The following FLRT1 variants were observed in gnomAD, a reference collection of about 807,000 sequenced individuals.
FLRT1 encodes fibronectin leucine rich transmembrane protein 1.
A neutral mutation model predicts 30.9 loss-of-function variants in FLRT1; 14 were observed. The observed-to-expected ratio is 0.45, with a 90% CI of 0.30 to 0.71. The LOEUF (loss-of-function observed/expected upper bound fraction) is 0.71. Ranked by LOEUF, FLRT1 falls within the 30% of genes least tolerant of loss-of-function variation. The probability of loss-of-function intolerance (pLI) is 0.08; values close to 1 mark genes in which losing one functional copy is unlikely to be tolerated. For synonymous variants in FLRT1, 368 were observed against 430.4 expected (o/e 0.85, Z 1.80); for missense variants, 737 against 949.2 (o/e 0.78, Z 2.94).
chr11:64,080,158 G>A (rs563663328), intron 1 of FLRT1, among the ~76,000 whole-genome samples: 2 of 152,252 alleles, frequency 1.3e-5, no homozygotes, highest in East Asian at 1.9e-4. Context: ...GATTACAGGC[G>A]TGCGCCACCA....
chr11:64,062,702 G>T (rs1387658083), intron 1 of FLRT1, among the ~76,000 whole-genome samples: 11 of 152,204 alleles, frequency 7.2e-5, no homozygotes, highest in African/African-American at 2.7e-4. Flanking sequence ...AAGGCTTCCA[G>T]TGTGCCCGTC....
intron 1 of FLRT1, among the ~76,000 whole-genome samples, chr11:64,063,011 G>A (rs539382883): frequency 2.6e-5 from 4 of 152,350 alleles, no homozygotes; most frequent in Admixed American, 6.5e-5. Flanking sequence ...CATCTTCCGA[G>A]CTGTGAGGGA....
At chr11:64,073,834 C>A (rs557009855) in intron 1 of FLRT1, among the ~76,000 whole-genome samples, 8 of 152,254 alleles carry the variant, frequency 5.3e-5, no homozygotes, top group African/African-American at 1.9e-4. Context: ...GGGCCCACAG[C>A]CCCCAGAGCC....
chr11:64,043,556 G>A (rs1943529106), intron 1 of FLRT1, among the ~76,000 whole-genome samples: 1 of 152,208 alleles, frequency 6.6e-6, no homozygotes. Context: ...GGCAGCAGGT[G>A]TGGGAAGGGC....
chr11:64,116,279 A>G lies in FLRT1; in HGVS notation c.12A>G (p.Ala4=). 6.3e-7 allele frequency: 1 copy of G among 1,595,360 alleles called. No homozygotes were observed. The highest frequency in any genetic ancestry group is 1.1e-5 in the South Asian group (1 of 90,174). The change falls in exon 3 of 3, where the codon GCA becomes GCG. Residue 4 remains alanine (A), a synonymous_variant. Coordinates refer to ENST00000682287, the MANE Select transcript of FLRT1 (RefSeq NM_013280.5). ...CCCAGCCATCCACCATGGTGGTGGC[A>G]CACCCCACCGCCACTGCCACCACCA... The part of the protein sequence containing the change: MVV[A]HPTATATTTP...
chr11:64,062,268 C>T (rs780358228), intron 1 of FLRT1, among the ~76,000 whole-genome samples: 5 of 152,104 alleles, frequency 3.3e-5, no homozygotes, highest in Admixed American at 1.3e-4. Flanking sequence ...ACTTGGCACA[C>T]AGTAGGTGCT....
intron 1 of FLRT1, among the ~76,000 whole-genome samples, chr11:64,044,596 C>G (rs1943549676): frequency 1.3e-5 from 2 of 152,160 alleles, no homozygotes; most frequent in Non-Finnish European, 2.9e-5. Flanking sequence ...CAGGGGTAAA[C>G]TGAGGCACTG....
rs539929316 is a variant in FLRT1 at position 64,064,411 on chromosome 11, C to T, written c.-1038+28252C>T. 1.6e-4 allele frequency among the ~76,000 whole-genome samples: 25 copies of T among 152,248 alleles called. No homozygotes were observed. Among genetic ancestry groups the T allele is most frequent in the South Asian group, 4.2e-4 (2 of 4,818 alleles). ...GATGGAGGAGGCTCAGGGCCAGTGC[C>T]GGGACTCCAGCTCCTCTGGGCACTG... On this transcript the variant is annotated intron_variant, in intron 1 of 2. Transcript: ENST00000682287. This position sits in a 1 kb window ranked among gnomAD's most constrained non-coding sequence, Gnocchi z 4.5.
intron 1 of FLRT1, among the ~76,000 whole-genome samples, chr11:64,060,073 C>A (rs1455915907): frequency 6.6e-6 from 1 of 152,226 alleles, no homozygotes; most frequent in African/African-American, 2.4e-5. Flanking sequence ...AACTAACAGA[C>A]CAATTAAGCT....
chr11:64,043,443 A>C (rs562661), intron 1 of FLRT1, among the ~76,000 whole-genome samples: 45,293 of 152,028 alleles, frequency 0.3, 7,610 homozygotes, highest in African/African-American at 0.45. Flanking sequence ...TGGACTCTAA[A>C]CGCCTGGTTG....
intron 1 of FLRT1, among the ~76,000 whole-genome samples, chr11:64,068,290 C>A (rs1944042436): frequency 6.6e-6 from 1 of 152,238 alleles, no homozygotes; most frequent in Non-Finnish European, 1.5e-5. Context: ...GCCACCCCAA[C>A]CCCACCCAGC....
At chr11:64,066,163 G>C (rs946203784) in intron 1 of FLRT1, among the ~76,000 whole-genome samples, 3 of 151,924 alleles carry the variant, frequency 2.0e-5, no homozygotes, top group African/African-American at 4.8e-5. Context: ...TGGGCATGGT[G>C]GTGGGCACCT....
intron 1 of FLRT1, among the ~76,000 whole-genome samples, chr11:64,094,022 C>A (rs1370418287): frequency 1.3e-5 from 2 of 152,200 alleles, no homozygotes; most frequent in Non-Finnish European, 2.9e-5. Flanking sequence ...CAGGGCCGGG[C>A]GCAGTGGCTT....
rs1396862999 is a variant in FLRT1, at chr11:64,119,062, T to G, written c.*770T>G. On this transcript the variant is annotated 3_prime_UTR_variant, in exon 3 of 3. Coordinates refer to ENST00000682287, the MANE Select transcript of FLRT1 (RefSeq NM_013280.5). ...GTGCATCTGTCTGCCTGTCTATCCC[T>G]GTCGCGGTGTCTCTAAGTACAGATG... 1 of 167,300 alleles carries G rather than the reference T, an allele frequency of 6.0e-6. No homozygotes were observed. 10.4% of individuals were successfully genotyped at this position (167,300 alleles called of 1,614,324 possible). A position where few individuals can be genotyped will look rare whatever the true frequency, so the allele number is the denominator to read the frequency against.
Position 64,064,675 on chromosome 11 carries a change from CCG to C in FLRT1, c.-1038+28517_-1038+28518del, listed in dbSNP as rs1943963204. On this transcript the variant is annotated intron_variant, in intron 1 of 2. Transcript: ENST00000682287. This position sits in a 1 kb window ranked among gnomAD's most constrained non-coding sequence, Gnocchi z 4.5. ...GCCTCTGGCAGGACATTAAACGGCA[CCG>C]AGATAGAAGGAGGGGGGCCCTCCCT... 7.3e-6 allele frequency among the ~76,000 whole-genome samples: 1 copy of C among 136,284 alleles called. No individual in the cohort carries two copies. The highest frequency in any genetic ancestry group is 2.6e-4 in the East Asian group (1 of 3,824). 89.4% of individuals were successfully genotyped at this position (136,284 alleles called of 152,430 possible).
At chr11:64,058,340 C>T (rs779328464) in intron 1 of FLRT1, among the ~76,000 whole-genome samples, 9 of 152,350 alleles carry the variant, frequency 5.9e-5, no homozygotes, top group South Asian at 4.1e-4. Flanking sequence ...CGAAGGCTGA[C>T]GCTTAGAGGA....
chr11:64,079,153 T>C (rs1436242508), intron 1 of FLRT1, among the ~76,000 whole-genome samples: 1 of 151,934 alleles, frequency 6.6e-6, no homozygotes, highest in African/African-American at 2.4e-5. Flanking sequence ...TTGGATTCAT[T>C]GGATTTGGAA....
rs754240014 is a variant in FLRT1 at position 64,064,070 on chromosome 11, A to G, written c.-1038+27911A>G. On this transcript the variant is annotated intron_variant, in intron 1 of 2. Coordinates refer to ENST00000682287, the MANE Select transcript of FLRT1 (RefSeq NM_013280.5). This position sits in a 1 kb window ranked among gnomAD's most constrained non-coding sequence, Gnocchi z 4.5. ...TAGCCAGCTTTGAACAGCGACACCC[A>G]CACAAACCCGAGGTCTCTCTCTCTG... Among the ~76,000 whole-genome samples the G allele has an allele frequency of 2.6e-5, 4 of 152,182 alleles. No homozygotes were observed. The highest frequency in any genetic ancestry group is 5.9e-5 in the Non-Finnish European group (4 of 68,024).
At position 64,051,714 on chromosome 11, in the gene FLRT1, C is replaced by T. The variant is rs193285252; in HGVS notation, c.-1038+15555C>T. On this transcript the variant is annotated intron_variant, in intron 1 of 2. Coordinates refer to ENST00000682287, the MANE Select transcript of FLRT1 (RefSeq NM_013280.5). Reference sequence around the variant, plus strand: ...GGCAGGGGCCGAGGTTGGTGAGCTCCTCCCTGAACAGTGGTTTGGCCAGAT... The same window carrying T: ...GGCAGGGGCCGAGGTTGGTGAGCTCTTCCCTGAACAGTGGTTTGGCCAGAT... Among the ~76,000 whole-genome samples, 3 of 152,292 alleles carry T rather than the reference C, an allele frequency of 2.0e-5. 1 individual carries two copies. The East Asian group carries it at 5.8e-4, about 29-fold the overall frequency.
Sources: allele counts gnomAD v4.1 joint callset (sites outside exome capture counted in the v4.1 genomes callset), GRCh38; gene constraint gnomAD v4.1.1; non-coding constraint Gnocchi (gnomAD v3.1); transcripts MANE v1.5; gene names NCBI Gene and HGNC (gene_info 2026-07-23, HGNC 2026-07-21).